ARHGAP10: variants seen among roughly 807,000 people sequenced by gnomAD.
ARHGAP10 encodes Rho GTPase activating protein 10, also known as rho GTPase-activating protein 10.
A neutral mutation model predicts 108.6 loss-of-function variants in ARHGAP10; 87 were observed. That is an observed-to-expected ratio of 0.80 (90% confidence interval 0.67 to 0.96). ARHGAP10 has a LOEUF of 0.96. Ranked by LOEUF, ARHGAP10 falls within the 40% of genes least tolerant of loss-of-function variation. The pLI is 0.00. For synonymous variants in ARHGAP10, 347 were observed against 341.1 expected (o/e 1.02, Z -0.19); for missense variants, 939 against 954.5 (o/e 0.98, Z 0.21).
At chr4:148,055,859 C>T (rs1484156344) in intron 20 of ARHGAP10, among the ~76,000 whole-genome samples, 4 of 152,074 alleles carry the variant, frequency 2.6e-5, no homozygotes, top group South Asian at 2.1e-4. Flanking sequence ...GCCCCAGGCA[C>T]GAACAGGGGA....
chr4:147,790,243 C>T (rs563328691), intron 1 of ARHGAP10, among the ~76,000 whole-genome samples: 2 of 152,186 alleles, frequency 1.3e-5, no homozygotes, highest in Non-Finnish European at 2.9e-5. Context: ...ATGCTTGAGT[C>T]TCCTTCTCTT....
chr4:148,028,101 T>C (rs1433329049), intron 19 of ARHGAP10, among the ~76,000 whole-genome samples: 1 of 152,228 alleles, frequency 6.6e-6, no homozygotes, highest in African/African-American at 2.4e-5. Context: ...TGCCCAGTGC[T>C]AGCTCTGAGG....
rs558312214 is a variant in ARHGAP10 at position 147,989,478 on chromosome 4, A to C, written c.1716+22639A>C. On this transcript the variant is annotated intron_variant, in intron 18 of 22. Transcript: ENST00000336498. Reference sequence around the variant, plus strand: ...AGTTTATTTCACCTCTGCAATCTTGACCATAAGAGACAGGTACGCCCTGGG... The same window carrying C: ...AGTTTATTTCACCTCTGCAATCTTGCCCATAAGAGACAGGTACGCCCTGGG... Among the ~76,000 whole-genome samples the C allele has an allele frequency of 2.0e-5, 3 of 152,212 alleles. No individual in the cohort carries two copies. In the East Asian group the frequency reaches 5.8e-4, roughly 29 times the overall value.
chr4:147,756,973 C>A (rs1245044357), intron 1 of ARHGAP10, among the ~76,000 whole-genome samples: 2 of 149,302 alleles, frequency 1.3e-5, no homozygotes, highest in African/African-American at 4.9e-5. Context: ...AGGAGAGGGG[C>A]CTTGGTTGGT....
chr4:147,762,831 CTTT>C (rs1302822526), intron 1 of ARHGAP10, among the ~76,000 whole-genome samples: 2 of 151,868 alleles, frequency 1.3e-5, no homozygotes, highest in Non-Finnish European at 2.9e-5. Flanking sequence ...CACCTGGCCG[CTTT>C]TTTATTTTTT....
chr4:148,013,329 T>G (rs1219921075), intron 18 of ARHGAP10, among the ~76,000 whole-genome samples: 2 of 152,226 alleles, frequency 1.3e-5, no homozygotes, highest in Non-Finnish European at 1.5e-5. Context: ...TATACCTGCC[T>G]TCAGGGGATG....
At chr4:148,036,678 G>A (rs568995111) in intron 19 of ARHGAP10, among the ~76,000 whole-genome samples, 2 of 152,318 alleles carry the variant, frequency 1.3e-5, no homozygotes, top group East Asian at 1.9e-4. Context: ...TCTCAGGTAT[G>A]TCTTTATTAG....
At chr4:148,037,119 A>G (rs1728411995) in intron 19 of ARHGAP10, among the ~76,000 whole-genome samples, 1 of 152,186 alleles carries the variant, frequency 6.6e-6, no homozygotes, top group Admixed American at 6.5e-5. Flanking sequence ...GAAAGCTAAT[A>G]ATTATTGGAG....
At chr4:147,954,705 T>C (rs1738724538) in intron 15 of ARHGAP10, among the ~76,000 whole-genome samples, 1 of 152,070 alleles carries the variant, frequency 6.6e-6, no homozygotes, top group African/African-American at 2.4e-5. Context: ...CAAGGTGGAC[T>C]GAACTGTAGC....
chr4:148,002,079 A>G (rs935960662), intron 18 of ARHGAP10, among the ~76,000 whole-genome samples: 1 of 152,202 alleles, frequency 6.6e-6, no homozygotes, highest in Non-Finnish European at 1.5e-5. Context: ...TTATTTTGAG[A>G]TACATCCCAT....
intron 14 of ARHGAP10, among the ~76,000 whole-genome samples, chr4:147,943,169 A>G (rs1239654910): frequency 6.6e-6 from 1 of 152,234 alleles, no homozygotes; most frequent in African/African-American, 2.4e-5. Flanking sequence ...ACTTTAGTTT[A>G]AAACATCAGA....
intron 18 of ARHGAP10, among the ~76,000 whole-genome samples, chr4:148,020,157 C>A (rs1317977701): frequency 6.6e-6 from 1 of 152,104 alleles, no homozygotes; most frequent in Non-Finnish European, 1.5e-5. Flanking sequence ...TCAGCCTATA[C>A]AACATAGAGC....
At chr4:148,071,307 A>G (rs1304183574) in intron 22 of ARHGAP10, among the ~76,000 whole-genome samples, 2 of 152,216 alleles carry the variant, frequency 1.3e-5, no homozygotes, top group Admixed American at 6.5e-5. Flanking sequence ...GGCCTGTGTT[A>G]CAGACCAGTA....
At chr4:148,024,244 T>G (rs1447233202) in intron 19 of ARHGAP10, among the ~76,000 whole-genome samples, 1 of 152,252 alleles carries the variant, frequency 6.6e-6, no homozygotes. Flanking sequence ...TTCCTCTTAT[T>G]GAGAACATTT....
intron 1 of ARHGAP10, among the ~76,000 whole-genome samples, chr4:147,736,153 T>TGA (rs779987314): frequency 6.6e-6 from 1 of 151,648 alleles, no homozygotes; most frequent in Non-Finnish European, 1.5e-5. Flanking sequence ...TGTGTGTGTG[T>TGA]GAAGCTAAAG....
At chr4:147,947,935 C>G (rs1022992559) in intron 15 of ARHGAP10, among the ~76,000 whole-genome samples, 3 of 138,384 alleles carry the variant, frequency 2.2e-5, no homozygotes, top group Admixed American at 1.7e-4. Context: ...ATCTTCCTAC[C>G]TGCCACTGTT....
At chr4:147,989,204 A>G (rs1740167143) in intron 18 of ARHGAP10, among the ~76,000 whole-genome samples, 1 of 152,234 alleles carries the variant, frequency 6.6e-6, no homozygotes, top group Non-Finnish European at 1.5e-5. Context: ...GAGTATACGA[A>G]TAGGTGTGGG....
chr4:147,871,548 A>G (rs1185085972), intron 7 of ARHGAP10, among the ~76,000 whole-genome samples: 1 of 152,236 alleles, frequency 6.6e-6, no homozygotes, highest in African/African-American at 2.4e-5. Context: ...TAAAGGATGT[A>G]AAGAAAACAA....
At chr4:148,022,775 G>C (rs1741616086) in intron 18 of ARHGAP10, among the ~76,000 whole-genome samples, 1 of 152,208 alleles carries the variant, frequency 6.6e-6, no homozygotes, top group African/African-American at 2.4e-5. Flanking sequence ...TGGGAAGCTA[G>C]AAAGGTAATT....
Sources: allele counts gnomAD v4.1 joint callset (sites outside exome capture counted in the v4.1 genomes callset), GRCh38; gene constraint gnomAD v4.1.1; transcripts MANE v1.5; gene names NCBI Gene and HGNC (gene_info 2026-07-23, HGNC 2026-07-21).